The following LTBP4 variants were observed in gnomAD, a reference collection of about 807,000 sequenced individuals.
The protein encoded by LTBP4 is latent-transforming growth factor beta-binding protein 4.
Under a neutral mutation model 180.2 loss-of-function variants are expected in LTBP4, and 93 were observed. That is an observed-to-expected ratio of 0.52 (90% CI 0.44 to 0.61). The LOEUF (loss-of-function observed/expected upper bound fraction) is 0.61, where lower values mean the gene tolerates loss of function less well. Ranked by LOEUF, LTBP4 falls within the 20% of genes least tolerant of loss-of-function variation. LTBP4 has a pLI of 0.00. For missense variants in LTBP4, 2,116 were observed against 2,256.5 expected (o/e 0.94, Z 1.26); for synonymous variants, 947 against 934.5 (o/e 1.01, Z -0.24).
At chr19:40,594,006 C>G (rs951097821) in intron 1 of LTBP4, among the ~76,000 whole-genome samples, 1 of 151,186 alleles carries the variant, frequency 6.6e-6, no homozygotes, top group African/African-American at 2.4e-5. Flanking sequence ...GTTGGCCAGG[C>G]TGGCCTGAAA....
At position 40,613,789 on chromosome 19, in the gene LTBP4, A is replaced by G. The variant is rs1599868806; in HGVS notation, c.2558-127A>G. 8.5e-6 allele frequency: 12 copies of G among 1,408,782 alleles called. No homozygotes were observed. In the East Asian group the frequency reaches 1.4e-4, roughly 17 times the overall value. The allele number at this position is 1,408,782 out of a possible 1,614,324, so 87.3% of individuals were successfully genotyped here. A position where few individuals can be genotyped will look rare whatever the true frequency, so the allele number is the denominator to read the frequency against. The stretch of plus-strand genomic sequence containing the variant: ...GGGGGGCGGTGTTTGCAGGGAGGGA[A>G]GTAGCGTGAGGCAGGTTGGGGAAGG... On this transcript the variant is annotated intron_variant, in intron 17 of 29. Transcript: ENST00000396819. The surrounding 1 kb of genome is among the most constrained non-coding windows in gnomAD (Gnocchi z 5.0).
chr19:40,627,570 C>CA, intron 28 of LTBP4, 135 bp from the exon 29 acceptor site: 1 of 1,312,026 alleles, frequency 7.6e-7, no homozygotes, highest in Non-Finnish European at 1.0e-6. Flanking sequence ...ACTGGCCCCG[C>CA]AGCACCCGCC....
intron 14 of LTBP4, 43 bp from the exon 15 acceptor site, chr19:40,612,030 G>A (rs766205923): frequency 1.9e-6 from 3 of 1,612,276 alleles, no homozygotes; most frequent in Admixed American, 3.3e-5. Flanking sequence ...TGAGGGGGGA[G>A]TTGGACCACT....
chr19:40,604,634 A>G (rs929062235), intron 1 of LTBP4, among the ~76,000 whole-genome samples: 1 of 152,216 alleles, frequency 6.6e-6, no homozygotes, highest in Non-Finnish European at 1.5e-5. Flanking sequence ...GCCTGAGCCC[A>G]GGAGTTCAAG....
At chr19:40,620,687 A>G (rs2146041486) in intron 22 of LTBP4, among the ~76,000 whole-genome samples, 1 of 150,726 alleles carries the variant, frequency 6.6e-6, no homozygotes, top group South Asian at 2.1e-4. Flanking sequence ...GAGGCAGGAA[A>G]ATCGCTTGAA....
chr19:40,597,490 A>T, upstream of LTBP4: 2 of 1,237,560 alleles, frequency 1.6e-6, no homozygotes, highest in Non-Finnish European at 2.1e-6. Flanking sequence ...CGATGTGGAG[A>T]TGCAAAGAGG....
rs760649933 is a variant in LTBP4, at chr19:40,616,892, T to C, written c.2816T>C (p.Val939Ala). The C allele has an allele frequency of 1.2e-6, 2 of 1,613,928 alleles. No homozygotes were observed. Among genetic ancestry groups the C allele is most frequent in the Non-Finnish European group, 1.7e-6 (2 of 1,179,872 alleles). ...TCATCTCCTCCACACTCTGCAGATG[T>C]GGATGAGTGCCAAGAATATGGTCCC... Reference protein sequence around the residue: ...HAGPEGTCDDVDECQEYGPEI... With the variant: ...HAGPEGTCDDADECQEYGPEI... The change falls in exon 20 of 30, where the codon GTG becomes GCG. Residue 939 changes from valine to alanine, a missense_variant. Physicochemically the swap from Val to Ala is moderately conservative, Grantham distance 64. Transcript: ENST00000396819.
Position 40,611,834 on chromosome 19 carries a change from G to A in LTBP4, c.2054-25G>A, listed in dbSNP as rs2081508565. The A allele has an allele frequency of 6.3e-7, 1 of 1,598,518 alleles. No homozygotes were observed. The highest frequency in any genetic ancestry group is 8.5e-7 in the Non-Finnish European group (1 of 1,171,250). ...GGAATGGATTCAGGCCCCTTCCTCA[G>A]CCTCATTGGTCCCCTCTGCCCCAGA... On this transcript the variant is annotated intron_variant, in intron 13 of 29. Coordinates refer to ENST00000396819, the MANE Select transcript of LTBP4 (RefSeq NM_001042545.2). The surrounding 1 kb of genome is among the most constrained non-coding windows in gnomAD (Gnocchi z 4.4).
At chr19:40,601,743 C>A in intron 1 of LTBP4, 106 bp downstream of exon 1, 1 of 898,750 alleles carries the variant, frequency 1.1e-6, no homozygotes, top group Non-Finnish European at 1.5e-6. Flanking sequence ...ATTCCATATG[C>A]AATAGTGCAA....
chr19:40,605,933 GC>G lies in LTBP4; in HGVS notation c.793+104del. On this transcript the variant is annotated intron_variant, in intron 4 of 29. Transcript: ENST00000396819. The surrounding 1 kb of genome is among the most constrained non-coding windows in gnomAD (Gnocchi z 5.5). ...AGATAAACCCAGTTCACAAATTGTA[GC>G]CACGCCTACCCCATTGTGGAGGCGA... The G allele has an allele frequency of 7.7e-7, 1 of 1,290,482 alleles. No homozygotes were observed. The highest frequency in any genetic ancestry group is 1.1e-6 in the Non-Finnish European group (1 of 946,242). 79.9% of individuals were successfully genotyped at this position (1,290,482 alleles called of 1,614,324 possible).
chr19:40,607,324 C>T, intron 6 of LTBP4, 41 bp from the exon 7 acceptor site: 1 of 1,289,532 alleles, frequency 7.8e-7, no homozygotes, highest in Middle Eastern at 2.1e-4. Flanking sequence ...CTACAGCATT[C>T]CCAGCCCCGC....
At position 40,609,811 on chromosome 19, in the gene LTBP4, A is replaced by T; in HGVS notation, c.1624A>T (p.Ser542Cys). ...APGRCENSPG[S>C]FRCVCGPGFR... is the part of the protein sequence containing the mutation. ...CGGGCGCTGCGAGAACTCACCAGGC[A>T]GCTTCCGCTGCGTGTGCGGCCCGGG... Residue 542 changes from serine to cysteine, a missense_variant, in exon 11 of 30, where the codon AGC (serine) becomes TGC (cysteine). Ser to Cys is a moderately radical substitution (Grantham distance 112, BLOSUM62 -1). Coordinates refer to ENST00000396819, the MANE Select transcript of LTBP4 (RefSeq NM_001042545.2). The surrounding 1 kb of genome is among the most constrained non-coding windows in gnomAD (Gnocchi z 4.9). The T allele has an allele frequency of 1.2e-6, 2 of 1,608,098 alleles. No homozygotes were observed. Among genetic ancestry groups the T allele is most frequent in the South Asian group, 1.1e-5 (1 of 90,868 alleles).
upstream of LTBP4, chr19:40,597,313 G>T: frequency 1.3e-6 from 2 of 1,526,038 alleles, no homozygotes; most frequent in Non-Finnish European, 1.8e-6. Flanking sequence ...CGCCACCTCC[G>T]CCGCCAGCCC....
intron 18 of LTBP4, 35 bp downstream of exon 18, chr19:40,614,073 C>T (rs768167327): frequency 1.4e-5 from 22 of 1,606,836 alleles, no homozygotes; most frequent in Admixed American, 1.2e-4. Context: ...TCCCTCCTCC[C>T]TTCGACTCCC....
rs754102394 is a variant in LTBP4, at chr19:40,605,746, C to T, written c.708C>T (p.Pro236=). ...CCCCGCAGTGCGCGTCCCCGCTGCCCGGGCTCCGGACGCAGGAGGTCTGCT... is the reference window on the plus strand; with the variant it reads ...CCCCGCAGTGCGCGTCCCCGCTGCCTGGGCTCCGGACGCAGGAGGTCTGCT... ...LRGGECASPL[P]GLRTQEVCCR... is the part of the protein sequence containing the mutation. Residue 236 remains proline, a synonymous_variant, in exon 4 of 30, where the codon CCC becomes CCT. Transcript: ENST00000396819. The surrounding 1 kb of genome is among the most constrained non-coding windows in gnomAD (Gnocchi z 5.5). The T allele has an allele frequency of 1.9e-6, 3 of 1,545,058 alleles. No homozygotes were observed. Among genetic ancestry groups the T allele is most frequent in the Non-Finnish European group, 2.6e-6 (3 of 1,146,566 alleles).
Position 40,609,795 on chromosome 19 carries a change from C to A in LTBP4, c.1608C>A (p.Cys536Ter), listed in dbSNP as rs916753331. The change falls in exon 11 of 30, where the codon TGC (cysteine) becomes TGA (stop). Residue 536 changes from cysteine to a stop codon, truncating the protein, a stop_gained. Coordinates refer to ENST00000396819, the MANE Select transcript of LTBP4 (RefSeq NM_001042545.2). LOFTEE classifies it high-confidence loss of function. This position sits in a 1 kb window ranked among gnomAD's most constrained non-coding sequence, Gnocchi z 4.9. ...CCCCGCCCTGTGCTCCCGGGCGCTG[C>A]GAGAACTCACCAGGCAGCTTCCGCT... The part of the protein sequence containing the change: ...RVPPPCAPGR[C>*]ENSPGSFRCV... 4 of 1,611,226 alleles carry A rather than the reference C, an allele frequency of 2.5e-6. No individual in the cohort carries two copies. Among genetic ancestry groups the A allele is most frequent in the Non-Finnish European group, 3.4e-6 (4 of 1,178,712 alleles).
Position 40,605,309 on chromosome 19 carries a change from C to T in LTBP4, c.442+83C>T, listed in dbSNP as rs1470853192. The T allele has an allele frequency of 2.6e-6, 4 of 1,567,846 alleles. No homozygotes were observed. The highest frequency in any genetic ancestry group is 1.1e-5 in the South Asian group (1 of 87,242). ...CTGACCCTCATATTTCCCGCCTTCC[C>T]GAGCACCTTTGCCCAGCTCGCCCTC... is the stretch of plus-strand genomic sequence containing the variant. On this transcript the variant is annotated intron_variant, in intron 2 of 29. Coordinates refer to ENST00000396819, the MANE Select transcript of LTBP4 (RefSeq NM_001042545.2). This position sits in a 1 kb window ranked among gnomAD's most constrained non-coding sequence, Gnocchi z 5.5.
Position 40,627,159 on chromosome 19 carries a change from G to C in LTBP4, c.4170G>C (p.Gly1390=), listed in dbSNP as rs754858835. ...ACGACCCCTACCCACCGCCACCTGG[G>C]CCCTTCGCCCGCCGGGAGGCTCCTT... ...LPYDPYPPPP[G]PFARREAPYG... The change falls in exon 28 of 30, where the codon GGG becomes GGC. Residue 1390 remains glycine (G), a synonymous_variant. Transcript: ENST00000396819. 6.2e-7 allele frequency: 1 copy of C among 1,611,716 alleles called. No homozygotes were observed. The highest frequency in any genetic ancestry group is 1.7e-5 in the Admixed American group (1 of 59,784).
chr19:40,609,774 G>A lies in LTBP4; in HGVS notation c.1587G>A (p.Pro529=). ...IDVDECRRVP[P]PCAPGRCENS... is the part of the protein sequence containing the mutation. ...TGGACGAATGTCGCCGCGTGCCCCCGCCCTGTGCTCCCGGGCGCTGCGAGA... is the reference window on the plus strand; with the variant it reads ...TGGACGAATGTCGCCGCGTGCCCCCACCCTGTGCTCCCGGGCGCTGCGAGA... The change falls in exon 11 of 30, where the codon CCG becomes CCA. Residue 529 remains proline (P), a synonymous_variant. Transcript: ENST00000396819. This position sits in a 1 kb window ranked among gnomAD's most constrained non-coding sequence, Gnocchi z 4.9. 1 of 1,611,872 alleles carries A rather than the reference G, an allele frequency of 6.2e-7. No individual in the cohort carries two copies. Among genetic ancestry groups the A allele is most frequent in the African/African-American group, 1.3e-5 (1 of 75,000 alleles).
Sources: gnomAD v4.1 joint callset for allele counts (sites outside exome capture counted in the v4.1 genomes callset) on GRCh38, gnomAD v4.1.1 for gene constraint, Gnocchi (gnomAD v3.1) non-coding constraint, MANE v1.5 for transcripts, NCBI Gene and HGNC (gene_info 2026-07-23, HGNC 2026-07-21) for gene names.